CNTN5: variants seen among roughly 807,000 people sequenced by gnomAD.
CNTN5 encodes the protein contactin-5.
Under a neutral mutation model 129.1 loss-of-function variants are expected in CNTN5, and 77 were observed. The observed-to-expected ratio is 0.60, with a 90% confidence interval of 0.50 to 0.72. The LOEUF (loss-of-function observed/expected upper bound fraction) is 0.72, where lower values mean the gene tolerates loss of function less well. Among genes scored for constraint, CNTN5 ranks in the 30% least tolerant of loss-of-function variants. CNTN5 has a pLI of 0.00. For missense variants in CNTN5, 1,478 were observed against 1,328.8 expected (o/e 1.11, Z -1.75); for synonymous variants, 509 against 465.6 (o/e 1.09, Z -1.20).
intron 7 of CNTN5, among the ~76,000 whole-genome samples, chr11:99,937,851 C>T (rs1368443568): frequency 1.3e-5 from 2 of 152,114 alleles, no homozygotes; most frequent in Non-Finnish European, 2.9e-5. Context: ...GATAGAATGC[C>T]TTGATCTTGA....
At chr11:99,612,985 A>C (rs1220656637) in intron 3 of CNTN5, among the ~76,000 whole-genome samples, 1 of 152,106 alleles carries the variant, frequency 6.6e-6, no homozygotes, top group Non-Finnish European at 1.5e-5. Flanking sequence ...GAGCCCAGGG[A>C]ATTGGCAGGT....
At chr11:100,278,657 A>G (rs1426969403) in intron 18 of CNTN5, among the ~76,000 whole-genome samples, 1 of 152,036 alleles carries the variant, frequency 6.6e-6, no homozygotes, top group Non-Finnish European at 1.5e-5. Flanking sequence ...TTGATTTTGT[A>G]TCCTGAAAAT....
At chr11:100,053,694 C>T (rs1010544827) in intron 9 of CNTN5, among the ~76,000 whole-genome samples, 1 of 151,462 alleles carries the variant, frequency 6.6e-6, no homozygotes, top group Non-Finnish European at 1.5e-5. Context: ...ATTTACTTAC[C>T]GTACATTCTA....
chr11:100,170,894 C>CAAAA (rs113893520), intron 13 of CNTN5, among the ~76,000 whole-genome samples: 1 of 149,844 alleles, frequency 6.7e-6, no homozygotes, highest in African/African-American at 2.4e-5. Flanking sequence ...GAAACAAAAA[C>CAAAA]AAAAAAAAAA....
chr11:99,127,080 A>G (rs1192058658), intron 1 of CNTN5, among the ~76,000 whole-genome samples: 3 of 152,074 alleles, frequency 2.0e-5, no homozygotes, highest in Non-Finnish European at 4.4e-5. Flanking sequence ...ACAGCTTCAG[A>G]ACTCAATAGT....
At chr11:100,227,084 G>A (rs1949391219) in intron 16 of CNTN5, among the ~76,000 whole-genome samples, 1 of 152,054 alleles carries the variant, frequency 6.6e-6, no homozygotes. Flanking sequence ...TCATCTTTTA[G>A]TAGAATACTA....
intron 7 of CNTN5, among the ~76,000 whole-genome samples, chr11:99,943,284 C>T (rs1297707039): frequency 6.6e-6 from 1 of 152,110 alleles, no homozygotes; most frequent in African/African-American, 2.4e-5. Context: ...GTCTGATAAC[C>T]AGTGATGATA....
intron 9 of CNTN5, among the ~76,000 whole-genome samples, chr11:100,013,672 TAA>T (rs1421713083): frequency 6.6e-6 from 1 of 152,166 alleles, no homozygotes; most frequent in African/African-American, 2.4e-5. Flanking sequence ...CTTGGATTTC[TAA>T]AAGTGTTATA....
At chr11:99,512,856 T>C (rs79287899) in intron 2 of CNTN5, among the ~76,000 whole-genome samples, 6,812 of 152,226 alleles carry the variant, frequency 0.045, 197 homozygotes, top group Middle Eastern at 0.092. Context: ...AGTATTGAAA[T>C]AGGCCAATGA....
chr11:100,273,136 T>G (rs1387865921), intron 18 of CNTN5, among the ~76,000 whole-genome samples: 5 of 152,210 alleles, frequency 3.3e-5, no homozygotes, highest in Middle Eastern at 3.4e-3. Context: ...TGGCCACACC[T>G]GCTTGCAGGG....
At chr11:99,182,468 C>G (rs1471104669) in intron 1 of CNTN5, among the ~76,000 whole-genome samples, 2 of 151,600 alleles carry the variant, frequency 1.3e-5, no homozygotes, top group East Asian at 3.9e-4. Context: ...TTTTTCATAA[C>G]AATTCACTAA....
chr11:99,342,600 AAAG>A (rs1479307207), intron 2 of CNTN5, among the ~76,000 whole-genome samples: 21 of 147,480 alleles, frequency 1.4e-4, no homozygotes, highest in Middle Eastern at 3.5e-3. Context: ...AAAAAAAAAA[AAAG>A]CAGGGCGTGG....
intron 8 of CNTN5, 122 bp downstream of exon 8, chr11:99,957,131 AT>A: frequency 3.6e-6 from 3 of 822,510 alleles, no homozygotes; most frequent in Non-Finnish European, 3.7e-6. Flanking sequence ...CATTTGCCAT[AT>A]TTAGACACTA....
intron 8 of CNTN5, 100 bp from the exon 9 acceptor site, chr11:100,001,934 T>A: frequency 1.2e-6 from 1 of 842,424 alleles, no homozygotes; most frequent in Non-Finnish European, 1.8e-6. Context: ...AAACAGACAT[T>A]AACAACCAAA....
intron 4 of CNTN5, among the ~76,000 whole-genome samples, chr11:99,843,213 C>A (rs1456445347): frequency 1.3e-5 from 2 of 152,060 alleles, no homozygotes; most frequent in Non-Finnish European, 2.9e-5. Flanking sequence ...GGGAGTGAGA[C>A]TCTCTCAAAA....
chr11:99,675,524 A>G (rs1953239098), intron 3 of CNTN5, among the ~76,000 whole-genome samples: 1 of 152,138 alleles, frequency 6.6e-6, no homozygotes, highest in Admixed American at 6.5e-5. Context: ...TTCTGCTAAA[A>G]TATAAAAGAT....
chr11:99,180,747 T>C (rs561647051), intron 1 of CNTN5, among the ~76,000 whole-genome samples: 3 of 152,248 alleles, frequency 2.0e-5, no homozygotes, highest in East Asian at 1.9e-4. Flanking sequence ...AGGGAAGGCA[T>C]AGTCGATATA....
chr11:99,257,758 T>C lies in CNTN5; in HGVS notation c.-209-67588T>C, dbSNP rs185807875. ...ACATACACAAGCATCCTGTAAAGCA[T>C]AGCTTTAAGAGAAATGTAAGAAAGT... is the stretch of plus-strand genomic sequence containing the variant. On this transcript the variant is annotated intron_variant, in intron 1 of 24. Transcript: ENST00000524871. Among the ~76,000 whole-genome samples the C allele has an allele frequency of 2.1e-3, 325 of 152,162 alleles. 1 individual carries two copies. Among genetic ancestry groups the C allele is most frequent in the Admixed American group, 5.1e-3 (78 of 15,236 alleles).
At chr11:100,057,158 G>C (rs930275695) in intron 9 of CNTN5, among the ~76,000 whole-genome samples, 13 of 148,784 alleles carry the variant, frequency 8.7e-5, no homozygotes, top group Non-Finnish European at 1.3e-4. Flanking sequence ...TGATCATTCA[G>C]CTCAAAAAGT....
Sources: gnomAD v4.1 joint callset for allele counts (sites outside exome capture counted in the v4.1 genomes callset) on GRCh38, gnomAD v4.1.1 for gene constraint, MANE v1.5 for transcripts, NCBI Gene and HGNC (gene_info 2026-07-23, HGNC 2026-07-21) for gene names.